The following RPS6KB1 variants were observed in gnomAD, a reference collection of about 807,000 sequenced individuals.
RPS6KB1 encodes the protein ribosomal protein S6 kinase B1, also known as ribosomal protein S6 kinase beta-1.
A neutral mutation model predicts 70.2 loss-of-function variants in RPS6KB1; 12 were observed. The observed-to-expected ratio is 0.17, with a 90% confidence interval of 0.11 to 0.28. RPS6KB1 has a LOEUF of 0.28. Ranked by LOEUF, RPS6KB1 falls within the 10% of genes least tolerant of loss-of-function variation. The probability of loss-of-function intolerance (pLI) is 1.00; values close to 1 mark genes in which losing one functional copy is unlikely to be tolerated. For missense variants in RPS6KB1, 270 were observed against 646.6 expected (o/e 0.42, Z 6.32); for synonymous variants, 175 against 211.2 (o/e 0.83, Z 1.49).
At chr17:59,895,912 C>T (rs767635558) in intron 1 of RPS6KB1, among the ~76,000 whole-genome samples, 7 of 151,952 alleles carry the variant, frequency 4.6e-5, no homozygotes, top group African/African-American at 7.3e-5. Context: ...GGATTACAGG[C>T]GTGAGCCACT....
At chr17:59,904,141 C>T (rs544692227) in intron 1 of RPS6KB1, among the ~76,000 whole-genome samples, 22 of 151,730 alleles carry the variant, frequency 1.4e-4, no homozygotes, top group African/African-American at 5.1e-4. Context: ...AGTGCAGTGG[C>T]GTGATCTCGG....
At chr17:59,916,840 A>G (rs561172649) in intron 4 of RPS6KB1, among the ~76,000 whole-genome samples, 1 of 152,326 alleles carries the variant, frequency 6.6e-6, no homozygotes, top group Admixed American at 6.5e-5. Context: ...ATATAAAGAT[A>G]CATTTATAAT....
At chr17:59,902,185 A>G (rs2041998400) in intron 1 of RPS6KB1, among the ~76,000 whole-genome samples, 1 of 142,538 alleles carries the variant, frequency 7.0e-6, no homozygotes, top group South Asian at 2.2e-4. Context: ...GCTCACTGCA[A>G]CCTCTGCCTC....
intron 4 of RPS6KB1, among the ~76,000 whole-genome samples, chr17:59,925,556 C>G (rs1182960983): frequency 3.9e-5 from 6 of 152,060 alleles, no homozygotes; most frequent in Non-Finnish European, 5.9e-5. Context: ...AGCCTCCTAA[C>G]TAGTCTCATT....
chr17:59,915,371 C>G (rs2042881795), intron 4 of RPS6KB1, among the ~76,000 whole-genome samples: 1 of 152,054 alleles, frequency 6.6e-6, no homozygotes, highest in African/African-American at 2.4e-5. Flanking sequence ...TTTATTTCTG[C>G]TTGGTGAGTG....
chr17:59,915,942 C>G (rs573366209), intron 4 of RPS6KB1, among the ~76,000 whole-genome samples: 1 of 151,314 alleles, frequency 6.6e-6, no homozygotes, highest in African/African-American at 2.4e-5. Flanking sequence ...TGTGCCACCA[C>G]GCCCGGCTAA....
At chr17:59,926,294 C>T (rs765284441) in intron 4 of RPS6KB1, 141 bp from the exon 5 acceptor site, 44 of 650,362 alleles carry the variant, frequency 6.8e-5, no homozygotes, top group Admixed American at 5.9e-4. Context: ...TTTTCCATTA[C>T]CCCATCTCAG....
At chr17:59,918,587 C>G (rs2043096117) in intron 4 of RPS6KB1, among the ~76,000 whole-genome samples, 1 of 151,914 alleles carries the variant, frequency 6.6e-6, no homozygotes, top group African/African-American at 2.4e-5. Context: ...CCAGACTGGT[C>G]TTGAACTCCT....
rs200239375 is a variant in RPS6KB1 at position 59,936,196 on chromosome 17, C to T, written c.979-19C>T. 165 of 1,588,120 alleles carry T rather than the reference C, an allele frequency of 1.0e-4. No individual in the cohort carries two copies. Among genetic ancestry groups the T allele is most frequent in the Non-Finnish European group, 2.9e-5 (34 of 1,172,554 alleles). ...GTTTGACTAAGGTTCTTTATCCAAG[C>T]TTTTTTTCCTCTTTAAAGCTGCTGA... On this transcript the variant is annotated intron_variant, in intron 10 of 14. Transcript: ENST00000225577.
At chr17:59,936,923 AT>A (rs1452809753) in intron 12 of RPS6KB1, among the ~76,000 whole-genome samples, 1 of 152,178 alleles carries the variant, frequency 6.6e-6, no homozygotes, top group Admixed American at 6.5e-5. Flanking sequence ...CAGCAGCACG[AT>A]CACAGTTCAA....
At chr17:59,911,787 G>T (rs1299751704) in intron 2 of RPS6KB1, among the ~76,000 whole-genome samples, 1 of 151,692 alleles carries the variant, frequency 6.6e-6, no homozygotes, top group Non-Finnish European at 1.5e-5. Flanking sequence ...GTGGAGACAG[G>T]GTTTTACCAT....
intron 13 of RPS6KB1, among the ~76,000 whole-genome samples, chr17:59,941,744 C>G (rs2044604769): frequency 1.3e-5 from 2 of 151,862 alleles, no homozygotes; most frequent in African/African-American, 2.4e-5. Context: ...AGTGATTCTC[C>G]TGCCTCAGCC....
chr17:59,927,093 T>G (rs2144925712), intron 5 of RPS6KB1, among the ~76,000 whole-genome samples: 1 of 152,270 alleles, frequency 6.6e-6, no homozygotes, highest in Middle Eastern at 3.4e-3. Flanking sequence ...TATTTATTTT[T>G]TTTTTTGAGA....
intron 1 of RPS6KB1, among the ~76,000 whole-genome samples, chr17:59,897,598 A>C (rs767505671): frequency 6.6e-6 from 1 of 152,174 alleles, no homozygotes; most frequent in African/African-American, 2.4e-5. Context: ...TAGTTTATTT[A>C]ATTAGAGATT....
intron 4 of RPS6KB1, among the ~76,000 whole-genome samples, chr17:59,923,628 G>A (rs1310003737): frequency 1.3e-5 from 2 of 151,744 alleles, no homozygotes; most frequent in Non-Finnish European, 2.9e-5. Flanking sequence ...TTCTGCCTCC[G>A]CCTCCTGAGT....
At chr17:59,903,794 G>A (rs533246314) in intron 1 of RPS6KB1, among the ~76,000 whole-genome samples, 1 of 152,170 alleles carries the variant, frequency 6.6e-6, no homozygotes, top group African/African-American at 2.4e-5. Context: ...AACAACTAAT[G>A]ATGTTGAACA....
intron 13 of RPS6KB1, 138 bp from the exon 14 acceptor site, chr17:59,945,268 G>A: frequency 1.9e-6 from 1 of 527,338 alleles, no homozygotes; most frequent in Non-Finnish European, 3.5e-6. Context: ...CTAAAAATGA[G>A]GTTGAGGACG....
intron 1 of RPS6KB1, among the ~76,000 whole-genome samples, chr17:59,909,412 C>T (rs1209521779): frequency 6.6e-6 from 1 of 150,978 alleles, no homozygotes; most frequent in African/African-American, 2.4e-5. Flanking sequence ...GAACTACAGG[C>T]ATGCGACACC....
At chr17:59,936,675 A>G in intron 12 of RPS6KB1, 134 bp downstream of exon 12, 4 of 716,804 alleles carry the variant, frequency 5.6e-6, no homozygotes, top group South Asian at 1.7e-5. Flanking sequence ...ACAAGACTCC[A>G]TATCTACAAA....
Sources: allele counts gnomAD v4.1 joint callset (sites outside exome capture counted in the v4.1 genomes callset), GRCh38; gene constraint gnomAD v4.1.1; transcripts MANE v1.5; gene names NCBI Gene and HGNC (gene_info 2026-07-23, HGNC 2026-07-21).